Variants in NR2F2 observed in about 807,000 individuals in gnomAD.
The protein encoded by NR2F2 is COUP transcription factor 2.
In NR2F2, 2 loss-of-function variants were observed where a neutral mutation model predicts 34.8. That is an observed-to-expected ratio of 0.06 (90% CI 0.02 to 0.18). The LOEUF (loss-of-function observed/expected upper bound fraction) is 0.18. Ranked by LOEUF, NR2F2 falls within the 10% of genes least tolerant of loss-of-function variation. NR2F2 has a pLI of 1.00. For missense variants in NR2F2, 300 were observed against 580.1 expected, an observed-to-expected ratio of 0.52 and a Z score of 4.96; for synonymous variants, 274 against 251.8, an observed-to-expected ratio of 1.09 and a Z score of -0.84.
rs947001659 is a variant in NR2F2 at position 96,339,505 on chromosome 15, A to G, written c.*1883A>G. 6.6e-6 allele frequency: 1 copy of G among 152,144 alleles called. No individual in the cohort carries two copies. Among genetic ancestry groups the G allele is most frequent in the Non-Finnish European group, 1.5e-5 (1 of 68,028 alleles). 9.4% of individuals were successfully genotyped at this position (152,144 alleles called of 1,614,324 possible). A position where few individuals can be genotyped will look rare whatever the true frequency, so the allele number is the denominator to read the frequency against. On this transcript the variant is annotated 3_prime_UTR_variant, in exon 3 of 3. Transcript: ENST00000394166. ...GAGAGCATGACCACAGGGTCAAGGG[A>G]ATCTTTTCCATTGGAGTTATGTACA...
rs2141169066 is a variant in NR2F2, at chr15:96,334,207, C to G, written c.574C>G (p.Pro192Ala). 2 of 1,614,220 alleles carry G rather than the reference C, an allele frequency of 1.2e-6. No homozygotes were observed. Among genetic ancestry groups the G allele is most frequent in the Non-Finnish European group, 1.7e-6 (2 of 1,180,044 alleles). ...ISLLLRAEPY[P>A]TSRFGSQCMQ... is the part of the protein sequence containing the mutation. ...CCTGCTGTTGCGCGCGGAGCCCTAT[C>G]CCACGTCGCGCTTCGGCAGCCAATG... The change falls in exon 2 of 3, where the codon CCC (proline) becomes GCC (alanine). Residue 192 changes from proline to alanine, a missense_variant. By Grantham distance (27) the Pro-to-Ala change is conservative. Transcript: ENST00000394166.
At chr15:96,326,344 A>G (rs1477253499), upstream of NR2F2, 3 of 1,612,830 alleles carry the variant, frequency 1.9e-6, no homozygotes, top group Non-Finnish European at 2.5e-6. The surrounding 1 kb of genome is among the most constrained non-coding windows in gnomAD (Gnocchi z 5.5). Context: ...CAAGGCAAAT[A>G]TGGTTTTGGT....
intron 2 of NR2F2, among the ~76,000 whole-genome samples, chr15:96,336,218 C>T (rs2141171014): frequency 6.6e-6 from 1 of 152,270 alleles, no homozygotes; most frequent in Non-Finnish European, 1.5e-5. Flanking sequence ...AATGTGGAGG[C>T]CTGTGTGGAG....
upstream of NR2F2, among the ~76,000 whole-genome samples, chr15:96,327,975 ATTGATT>A (rs773555296): frequency 2.2e-4 from 34 of 152,308 alleles, no homozygotes; most frequent in African/African-American, 7.2e-4. Context: ...ACAATAATAT[ATTGATT>A]TTATCTTCTC....
chr15:96,337,651 C>T lies in NR2F2; in HGVS notation c.*29C>T. ...AATAAAATAAGAAGGGGGAGTGAAA[C>T]AGAGAAAGAAAAGGCAAAAGACTGG... On this transcript the variant is annotated 3_prime_UTR_variant, in exon 3 of 3. Coordinates refer to ENST00000394166, the MANE Select transcript of NR2F2 (RefSeq NM_021005.4). The T allele has an allele frequency of 1.9e-6, 3 of 1,596,258 alleles. No homozygotes were observed. The highest frequency in any genetic ancestry group is 2.2e-5 in the East Asian group (1 of 44,660).
chr15:96,333,577 C>CGGGCTG (rs909325570), intron 1 of NR2F2: 8 of 1,014,282 alleles, frequency 7.9e-6, no homozygotes, highest in East Asian at 9.4e-5. Flanking sequence ...GGTTCCCCGC[C>CGGGCTG]GGGCTGGGGC....
upstream of NR2F2, among the ~76,000 whole-genome samples, chr15:96,327,897 T>C (rs897908754): frequency 6.6e-6 from 1 of 152,248 alleles, no homozygotes; most frequent in African/African-American, 2.4e-5. Context: ...AAATTAAAGC[T>C]TGCCATTCTT....
chr15:96,337,293 CTTCTTCTTCTTCTTT>C (rs1899355647), intron 2 of NR2F2, 40 bp from the exon 3 acceptor site: 1 of 1,577,056 alleles, frequency 6.3e-7, no homozygotes, highest in African/African-American at 1.4e-5. Flanking sequence ...TCTTCTTCTT[CTTCTTCTTCTTCTTT>C]TTCTTCTTCT....
At position 96,338,649 on chromosome 15, in the gene NR2F2, G is replaced by A. The variant is rs1899405035; in HGVS notation, c.*1027G>A. The A allele has an allele frequency of 6.6e-6, 1 of 151,970 alleles. No individual in the cohort carries two copies. Among genetic ancestry groups the A allele is most frequent in the Admixed American group, 6.6e-5 (1 of 15,216 alleles). 9.4% of individuals were successfully genotyped at this position (151,970 alleles called of 1,614,324 possible). ...AACGTGATTGATTCAGTATCTTAGA[G>A]TTTACAGTTTGTGTTTTAAAAAAAC... On this transcript the variant is annotated 3_prime_UTR_variant, in exon 3 of 3. Coordinates refer to ENST00000394166, the MANE Select transcript of NR2F2 (RefSeq NM_021005.4).
chr15:96,332,212 C>T lies in NR2F2; in HGVS notation c.107C>T (p.Ala36Val). 7.1e-7 allele frequency: 1 copy of T among 1,407,098 alleles called. No homozygotes were observed. Among genetic ancestry groups the T allele is most frequent in the Non-Finnish European group, 9.3e-7 (1 of 1,080,096 alleles). The allele number at this position is 1,407,098 out of a possible 1,614,324, so 87.2% of individuals were successfully genotyped here. A position where few individuals can be genotyped will look rare whatever the true frequency, so the allele number is the denominator to read the frequency against. ...CCCGTGCCCGGCCCGCCGCCCGGCGCCCCGCACACGCCACAGACGCCCGGC... is the reference window on the plus strand; with the variant it reads ...CCCGTGCCCGGCCCGCCGCCCGGCGTCCCGCACACGCCACAGACGCCCGGC... ...APPVPGPPPG[A>V]PHTPQTPGQG... Residue 36 changes from alanine to valine, a missense_variant, in exon 1 of 3, where the codon GCC becomes GTC. Ala to Val is a moderately conservative substitution (Grantham distance 64). Transcript: ENST00000394166.
chr15:96,338,195 A>C lies in NR2F2; in HGVS notation c.*573A>C, dbSNP rs2141172923. On this transcript the variant is annotated 3_prime_UTR_variant, in exon 3 of 3. Coordinates refer to ENST00000394166, the MANE Select transcript of NR2F2 (RefSeq NM_021005.4). ...TGAAAATACCATAGGAAGACATAAA[A>C]CTTTAAAAGGCAACTCAAAGATGAT... is the stretch of plus-strand genomic sequence containing the variant. The C allele has an allele frequency of 6.5e-6, 1 of 152,790 alleles. No homozygotes were observed. Among genetic ancestry groups the C allele is most frequent in the Middle Eastern group, 3.4e-3 (1 of 294 alleles). 9.5% of individuals were successfully genotyped at this position (152,790 alleles called of 1,614,324 possible).
chr15:96,328,236 G>C (rs535384389), upstream of NR2F2, among the ~76,000 whole-genome samples: 5 of 152,234 alleles, frequency 3.3e-5, no homozygotes, highest in East Asian at 7.7e-4. Flanking sequence ...TGCCTAGCAG[G>C]CTCCAATTTG....
In NR2F2 at chr15:96,331,159, G is replaced by A. The variant is rs1354375462; in HGVS notation, c.-947G>A. 4.0e-6 allele frequency: 4 copies of A among 1,006,682 alleles called. No homozygotes were observed. Among genetic ancestry groups the A allele is most frequent in the Non-Finnish European group, 4.8e-6 (4 of 839,848 alleles). 62.4% of individuals were successfully genotyped at this position (1,006,682 alleles called of 1,614,324 possible). A position where few individuals can be genotyped will look rare whatever the true frequency, so the allele number is the denominator to read the frequency against. ...GCTCCGGGCCCGACCCGGCGGCTTC[G>A]GCGGCGGCTCCGGCGGCAGCGGCGG... On this transcript the variant is annotated 5_prime_UTR_variant, in exon 1 of 3. Transcript: ENST00000394166.
At chr15:96,333,303 C>T in intron 1 of NR2F2, 1 of 993,398 alleles carries the variant, frequency 1.0e-6, no homozygotes, top group African/African-American at 1.8e-5. Flanking sequence ...GAGCCAACGC[C>T]GGGGTTTCTT....
rs1899162793 is a variant in NR2F2, at chr15:96,332,060, G to A, written c.-46G>A. ...GGGGAGCCGCCGCCGCCCCGCCGCC[G>A]CCCGCAGCCAGGGGAGCAGGAAGTC... On this transcript the variant is annotated 5_prime_UTR_variant, in exon 1 of 3. Coordinates refer to ENST00000394166, the MANE Select transcript of NR2F2 (RefSeq NM_021005.4). The A allele has an allele frequency of 1.6e-6, 2 of 1,257,888 alleles. No individual in the cohort carries two copies. The highest frequency in any genetic ancestry group is 1.0e-6 in the Non-Finnish European group (1 of 999,904). The allele number at this position is 1,257,888 out of a possible 1,614,324, so 77.9% of individuals were successfully genotyped here.
At position 96,340,190 on chromosome 15, in the gene NR2F2, ATTGT is replaced by A. The variant is rs1324247512; in HGVS notation, c.*2569_*2572del. The stretch of plus-strand genomic sequence containing the variant: ...TTCCTTGTTTGTTTTGTGTTAGTTT[ATTGT>A]AAACAGCCATTTGTTGTAAATTATT... On this transcript the variant is annotated 3_prime_UTR_variant, in exon 3 of 3. Coordinates refer to ENST00000394166, the MANE Select transcript of NR2F2 (RefSeq NM_021005.4). 1 of 152,124 alleles carries A rather than the reference ATTGT, an allele frequency of 6.6e-6. No individual in the cohort carries two copies. Among genetic ancestry groups the A allele is most frequent in the Non-Finnish European group, 1.5e-5 (1 of 68,010 alleles). 9.4% of individuals were successfully genotyped at this position (152,124 alleles called of 1,614,324 possible).
upstream of NR2F2, among the ~76,000 whole-genome samples, chr15:96,327,681 A>G (rs910355551): frequency 2.6e-5 from 4 of 152,246 alleles, no homozygotes; most frequent in African/African-American, 9.6e-5. Context: ...GAGGAATTCA[A>G]TGAATCCTGG....
rs2141172943 is a variant in NR2F2, at chr15:96,338,220, T to C, written c.*598T>C. 6.5e-6 allele frequency: 1 copy of C among 152,844 alleles called. No homozygotes were observed. The highest frequency in any genetic ancestry group is 1.5e-5 in the Non-Finnish European group (1 of 68,090). The allele number at this position is 152,844 out of a possible 1,614,324, so 9.5% of individuals were successfully genotyped here. A position where few individuals can be genotyped will look rare whatever the true frequency, so the allele number is the denominator to read the frequency against. On this transcript the variant is annotated 3_prime_UTR_variant, in exon 3 of 3. Coordinates refer to ENST00000394166, the MANE Select transcript of NR2F2 (RefSeq NM_021005.4). ...ACTTTAAAAGGCAACTCAAAGATGA[T>C]GGAAACGCACTTACAAGTGGTGACC... is the stretch of plus-strand genomic sequence containing the variant.
chr15:96,333,942 G>C, intron 1 of NR2F2, 134 bp from the exon 2 acceptor site: 2 of 1,495,848 alleles, frequency 1.3e-6, no homozygotes, highest in Non-Finnish European at 1.8e-6. Context: ...CTCCAGCTCT[G>C]TGGCAGGCCT....
Sources: gnomAD v4.1 joint callset for allele counts (sites outside exome capture counted in the v4.1 genomes callset) on GRCh38, gnomAD v4.1.1 for gene constraint, Gnocchi (gnomAD v3.1) non-coding constraint, MANE v1.5 for transcripts, NCBI Gene and HGNC (gene_info 2026-07-23, HGNC 2026-07-21) for gene names.